Variants in ST6GAL2 observed in about 807,000 individuals in gnomAD.
ST6GAL2 encodes beta-galactoside alpha-2,6-sialyltransferase 2.
In ST6GAL2, 24 loss-of-function variants were observed where a neutral mutation model predicts 37.5. The observed-to-expected ratio is 0.64, with a 90% confidence interval of 0.46 to 0.90. The LOEUF is 0.90. Among genes scored for constraint, ST6GAL2 ranks in the 40% least tolerant of loss-of-function variants. The probability of loss-of-function intolerance (pLI) is 0.00; values close to 1 mark genes in which losing one functional copy is unlikely to be tolerated. For synonymous variants in ST6GAL2, 306 were observed against 295.1 expected (o/e 1.04, Z -0.38); for missense variants, 715 against 712.7 (o/e 1.00, Z -0.04).
At chr2:106,830,290 A>C in intron 4 of ST6GAL2, 50 bp from the exon 5 acceptor site, 1 of 1,521,680 alleles carries the variant, frequency 6.6e-7, no homozygotes, top group Non-Finnish European at 9.0e-7. Flanking sequence ...TAAACTATGA[A>C]AGGAGACAGG....
At chr2:106,880,505 G>A (rs1179348412) in intron 1 of ST6GAL2, among the ~76,000 whole-genome samples, 8 of 152,244 alleles carry the variant, frequency 5.3e-5, no homozygotes, top group African/African-American at 1.9e-4. Flanking sequence ...GGGACCAAGG[G>A]AGTAGAGGTT....
At chr2:106,812,476 G>A (rs776455884) in intron 5 of ST6GAL2, among the ~76,000 whole-genome samples, 9 of 152,106 alleles carry the variant, frequency 5.9e-5, no homozygotes, top group Admixed American at 1.3e-4. Context: ...CCAGACTCTC[G>A]GAAGGAAAGC....
intron 1 of ST6GAL2, among the ~76,000 whole-genome samples, chr2:106,879,632 T>G (rs1678658311): frequency 6.7e-6 from 1 of 150,358 alleles, no homozygotes; most frequent in African/African-American, 2.4e-5. Flanking sequence ...TATATATCTA[T>G]TATAGACCAA....
intron 1 of ST6GAL2, among the ~76,000 whole-genome samples, chr2:106,856,966 A>T (rs1677598718): frequency 6.6e-6 from 1 of 152,224 alleles, no homozygotes; most frequent in East Asian, 1.9e-4. Flanking sequence ...GTAAATGAAA[A>T]GATGATCCTG....
At position 106,834,104 on chromosome 2, in the gene ST6GAL2, C is replaced by T. The variant is rs768765330; in HGVS notation, c.986G>A (p.Arg329His). Residue 329 changes from arginine to histidine, a missense_variant, in exon 3 of 6, where the codon CGT becomes CAT. Arg to His is a conservative substitution (Grantham distance 29). Coordinates refer to ENST00000409382, the MANE Select transcript of ST6GAL2 (RefSeq NM_001142351.2). ...AVLRFNSAPTRGYEKDVGNKT... is the reference protein window; with the variant it reads ...AVLRFNSAPTHGYEKDVGNKT... ...ATTCCCAACATCTTTCTCATAACCA[C>T]GTGTAGGAGCAGAGTTAAATCTCAA... 4.3e-6 allele frequency: 7 copies of T among 1,613,662 alleles called. No homozygotes were observed. Among genetic ancestry groups the T allele is most frequent in the South Asian group, 2.2e-5 (2 of 91,062 alleles).
intron 1 of ST6GAL2, among the ~76,000 whole-genome samples, chr2:106,851,675 T>C (rs866795680): frequency 6.6e-5 from 10 of 151,688 alleles, no homozygotes; most frequent in South Asian, 4.2e-4. Flanking sequence ...TCTTTCTTTT[T>C]TTTTTTTTTT....
rs1373523808 is a variant in ST6GAL2 at position 106,806,608 on chromosome 2, C to CAAGT, written c.*66_*69dup. 2 of 1,518,258 alleles carry CAAGT rather than the reference C, an allele frequency of 1.3e-6. No homozygotes were observed. The highest frequency in any genetic ancestry group is 2.7e-5 in the African/African-American group (2 of 72,864). The allele number at this position is 1,518,258 out of a possible 1,614,324, so 94.0% of individuals were successfully genotyped here. ...AACTACACTGTCTAAAATCTATCTTCAAGTATTCTTTTGTGACTTTGAGTA... is the reference window on the plus strand; with the variant it reads ...AACTACACTGTCTAAAATCTATCTTCAAGTAAGTATTCTTTTGTGACTTTGAGTA... On this transcript the variant is annotated 3_prime_UTR_variant, in exon 6 of 6. Transcript: ENST00000409382.
At chr2:106,885,414 G>A (rs1678936809) in intron 1 of ST6GAL2, among the ~76,000 whole-genome samples, 1 of 152,118 alleles carries the variant, frequency 6.6e-6, no homozygotes, top group East Asian at 1.9e-4. Flanking sequence ...GTACTAGGAG[G>A]AGAGACCTGG....
intron 1 of ST6GAL2, among the ~76,000 whole-genome samples, chr2:106,870,844 T>C (rs1290200376): frequency 6.6e-6 from 1 of 152,192 alleles, no homozygotes; most frequent in East Asian, 1.9e-4. Flanking sequence ...TAAGATGGCA[T>C]AGCACGGCTC....
At chr2:106,886,743 A>C (rs1474059677), upstream of ST6GAL2, 2 of 151,308 alleles carry the variant, frequency 1.3e-5, no homozygotes, top group East Asian at 4.0e-4. Context: ...AGCTGGCGGG[A>C]GCCGGGCACT....
intron 2 of ST6GAL2, among the ~76,000 whole-genome samples, chr2:106,836,773 C>CAAAAAAAAAAA (rs70956213): frequency 1.6e-3 from 112 of 70,170 alleles, no homozygotes; most frequent in Non-Finnish European, 1.8e-3. Flanking sequence ...ACTAAAAATA[C>CAAAAAAAAAAA]AAAAAAAAAA....
intron 1 of ST6GAL2, among the ~76,000 whole-genome samples, chr2:106,876,594 C>T (rs1263057032): frequency 6.6e-6 from 1 of 152,036 alleles, no homozygotes; most frequent in Non-Finnish European, 1.5e-5. Flanking sequence ...AGTGAGTACC[C>T]ATTGGGGGAC....
At chr2:106,873,847 A>C (rs1284931970) in intron 1 of ST6GAL2, among the ~76,000 whole-genome samples, 1 of 152,238 alleles carries the variant, frequency 6.6e-6, no homozygotes, top group East Asian at 1.9e-4. Context: ...AGAATGGCCC[A>C]TCTGGGCCAT....
chr2:106,883,073 C>G (rs1678817681), intron 1 of ST6GAL2, among the ~76,000 whole-genome samples: 1 of 152,146 alleles, frequency 6.6e-6, no homozygotes, highest in East Asian at 1.9e-4. Context: ...GGAGCTGGAC[C>G]AGATCACCAA....
intron 5 of ST6GAL2, among the ~76,000 whole-genome samples, chr2:106,809,120 C>T (rs1191878739): frequency 2.0e-5 from 3 of 152,216 alleles, no homozygotes; most frequent in South Asian, 2.1e-4. Context: ...GAGCTGAGGA[C>T]GGCTTCATGT....
chr2:106,815,600 C>T (rs1675770552), intron 5 of ST6GAL2, among the ~76,000 whole-genome samples: 1 of 152,152 alleles, frequency 6.6e-6, no homozygotes. Flanking sequence ...TTTCAGATGA[C>T]ACGCATTACA....
rs1675341789 is a variant in ST6GAL2, at chr2:106,804,145, T to G, written c.*2533A>C. The G allele has an allele frequency of 6.6e-6, 1 of 152,218 alleles. No individual in the cohort carries two copies. The allele number at this position is 152,218 out of a possible 1,614,324, so 9.4% of individuals were successfully genotyped here. A position where few individuals can be genotyped will look rare whatever the true frequency, so the allele number is the denominator to read the frequency against. The stretch of plus-strand genomic sequence containing the variant: ...TGCAAAAATTGTAACTAAATTTCCT[T>G]TGTACTCTTCAGTCTTTCTTGTAAC... On this transcript the variant is annotated 3_prime_UTR_variant, in exon 6 of 6. Coordinates refer to ENST00000409382, the MANE Select transcript of ST6GAL2 (RefSeq NM_001142351.2).
chr2:106,883,816 T>A (rs1309017927), intron 1 of ST6GAL2, among the ~76,000 whole-genome samples: 1 of 152,184 alleles, frequency 6.6e-6, no homozygotes, highest in African/African-American at 2.4e-5. Context: ...ACAAAGACTG[T>A]CCTTATTATC....
At chr2:106,877,865 C>G (rs1460011622) in intron 1 of ST6GAL2, among the ~76,000 whole-genome samples, 1 of 152,188 alleles carries the variant, frequency 6.6e-6, no homozygotes, top group Non-Finnish European at 1.5e-5. Flanking sequence ...ATGGGTATGC[C>G]TTTCAGTTCA....
Sources: gnomAD v4.1 joint callset for allele counts (sites outside exome capture counted in the v4.1 genomes callset) on GRCh38, gnomAD v4.1.1 for gene constraint, MANE v1.5 for transcripts, NCBI Gene and HGNC (gene_info 2026-07-23, HGNC 2026-07-21) for gene names.